Variants in COL19A1 observed in about 807,000 individuals in gnomAD.
The protein encoded by COL19A1 is collagen alpha-1(XIX) chain.
Under a neutral mutation model 190.2 loss-of-function variants are expected in COL19A1, and 159 were observed. The observed-to-expected ratio is 0.84, with a 90% CI of 0.73 to 0.95. COL19A1 has a LOEUF of 0.95. Ranked by LOEUF, COL19A1 falls within the 40% of genes least tolerant of loss-of-function variation. The probability of loss-of-function intolerance (pLI) is 0.00; values close to 1 mark genes in which losing one functional copy is unlikely to be tolerated. For synonymous variants in COL19A1, 509 were observed against 458.9 expected, an observed-to-expected ratio of 1.11 and a Z score of -1.39; for missense variants, 1,418 against 1,431.9, an observed-to-expected ratio of 0.99 and a Z score of 0.16.
intron 4 of COL19A1, among the ~76,000 whole-genome samples, chr6:69,924,441 T>A (rs1772216279): frequency 6.6e-6 from 1 of 152,232 alleles, no homozygotes; most frequent in South Asian, 2.1e-4. Flanking sequence ...CTCGTCATTT[T>A]TTATGGCTGC....
intron 37 of COL19A1, among the ~76,000 whole-genome samples, chr6:70,166,462 C>G (rs936286977): frequency 5.9e-5 from 9 of 152,162 alleles, no homozygotes; most frequent in Admixed American, 2.6e-4. Flanking sequence ...CAAGAGGCAT[C>G]GATGTTTTCA....
At chr6:70,204,687 G>A (rs1396457834) in intron 49 of COL19A1, among the ~76,000 whole-genome samples, 2 of 152,088 alleles carry the variant, frequency 1.3e-5, no homozygotes, top group Non-Finnish European at 2.9e-5. Context: ...TTCTTCATTT[G>A]GAATTGCGTT....
At chr6:69,999,745 T>C (rs1471636987) in intron 11 of COL19A1, among the ~76,000 whole-genome samples, 2 of 152,206 alleles carry the variant, frequency 1.3e-5, no homozygotes, top group East Asian at 3.9e-4. Flanking sequence ...GTTAAGATGG[T>C]AAGCTACAGG....
intron 11 of COL19A1, among the ~76,000 whole-genome samples, chr6:69,988,254 ACTC>A (rs1776415432): frequency 6.6e-6 from 1 of 152,134 alleles, no homozygotes; most frequent in Admixed American, 6.5e-5. Flanking sequence ...CATTTCCTGT[ACTC>A]CTCATATTCA....
chr6:70,207,133 T>G lies in COL19A1; in HGVS notation c.3302-14T>G. The stretch of plus-strand genomic sequence containing the variant: ...TATGTGATCTGCATTGTAATTTTTT[T>G]TTTATGTCGTTAGCTCTGGGTTTGC... On this transcript the variant is annotated splice_polypyrimidine_tract_variant and intron_variant, in intron 50 of 50. Coordinates refer to ENST00000620364, the MANE Select transcript of COL19A1 (RefSeq NM_001858.6). 1 of 1,611,208 alleles carries G rather than the reference T, an allele frequency of 6.2e-7. No individual in the cohort carries two copies. The highest frequency in any genetic ancestry group is 8.5e-7 in the Non-Finnish European group (1 of 1,178,930).
At chr6:69,965,898 T>G (rs905780301) in intron 11 of COL19A1, among the ~76,000 whole-genome samples, 1 of 152,180 alleles carries the variant, frequency 6.6e-6, no homozygotes, top group African/African-American at 2.4e-5. Flanking sequence ...TCTCCACAGC[T>G]GAGAGTTGTA....
intron 2 of COL19A1, among the ~76,000 whole-genome samples, chr6:69,886,233 T>C (rs760045912): frequency 2.5e-4 from 38 of 152,178 alleles, no homozygotes; most frequent in Non-Finnish European, 4.7e-4. Flanking sequence ...GAAAAAGTGA[T>C]CAACATTACT....
chr6:70,009,768 C>G (rs1562085266), intron 11 of COL19A1, among the ~76,000 whole-genome samples: 1 of 152,046 alleles, frequency 6.6e-6, no homozygotes, highest in African/African-American at 2.4e-5. Flanking sequence ...ATAATAGAGT[C>G]AAAATGTAAA....
intron 15 of COL19A1, among the ~76,000 whole-genome samples, chr6:70,078,518 G>A (rs1165361995): frequency 6.6e-6 from 1 of 152,156 alleles, no homozygotes; most frequent in Admixed American, 6.5e-5. Flanking sequence ...CCCTCACAGG[G>A]TGGGGAGATG....
intron 4 of COL19A1, among the ~76,000 whole-genome samples, chr6:69,912,825 C>G (rs1172819798): frequency 2.0e-5 from 3 of 152,180 alleles, no homozygotes; most frequent in African/African-American, 7.2e-5. Context: ...CGGTGGCTCA[C>G]ACCAGTAATC....
chr6:69,982,613 C>A (rs1776097166), intron 11 of COL19A1, among the ~76,000 whole-genome samples: 1 of 151,722 alleles, frequency 6.6e-6, no homozygotes, highest in Admixed American at 6.6e-5. Flanking sequence ...GGGAAAATTC[C>A]TCACCAGGCT....
At position 70,168,033 on chromosome 6, in the gene COL19A1, ATTT is replaced by A. The variant is rs1336666012; in HGVS notation, c.2455_2457del (p.Phe819del). 1 of 1,594,630 alleles carries A rather than the reference ATTT, an allele frequency of 6.3e-7. No homozygotes were observed. Among genetic ancestry groups the A allele is most frequent in the Non-Finnish European group, 8.6e-7 (1 of 1,167,480 alleles). On this transcript the variant is annotated inframe_deletion, in exon 38 of 51. Transcript: ENST00000620364. ...CTCACCTCTTTCCTAAGGGTATTCCATTTAATGAACGAAACGGCATGAGCAGTT... is the reference window on the plus strand; with the variant it reads ...CTCACCTCTTTCCTAAGGGTATTCCAAATGAACGAAACGGCATGAGCAGTT...
chr6:70,056,864 A>G (rs1780532493), intron 14 of COL19A1, among the ~76,000 whole-genome samples: 2 of 152,122 alleles, frequency 1.3e-5, no homozygotes, highest in African/African-American at 4.8e-5. Flanking sequence ...ATTGAGTGAT[A>G]TTGTATAAAC....
chr6:69,971,358 A>G (rs1775412297), intron 11 of COL19A1, among the ~76,000 whole-genome samples: 1 of 152,048 alleles, frequency 6.6e-6, no homozygotes, highest in South Asian at 2.1e-4. Flanking sequence ...AATAATTTTG[A>G]TGGAATAGAG....
At chr6:69,913,013 A>T (rs1488529737) in intron 4 of COL19A1, among the ~76,000 whole-genome samples, 1 of 152,078 alleles carries the variant, frequency 6.6e-6, no homozygotes, top group African/African-American at 2.4e-5. Context: ...GCTTGAGCCC[A>T]GGGAGGTTGA....
At chr6:70,168,551 C>A in intron 39 of COL19A1, 104 bp from the exon 40 acceptor site, 1 of 977,144 alleles carries the variant, frequency 1.0e-6, no homozygotes, top group Non-Finnish European at 1.5e-6. Context: ...GCAAAACTTG[C>A]TAATATTCGT....
intron 15 of COL19A1, among the ~76,000 whole-genome samples, chr6:70,097,388 A>G (rs1007332930): frequency 6.6e-6 from 1 of 152,038 alleles, no homozygotes; most frequent in African/African-American, 2.4e-5. Flanking sequence ...TTCCTTTTTA[A>G]GGCTGAAAAT....
intron 11 of COL19A1, among the ~76,000 whole-genome samples, chr6:69,991,108 G>A (rs1342811837): frequency 2.6e-5 from 4 of 151,926 alleles, no homozygotes; most frequent in African/African-American, 4.8e-5. Flanking sequence ...TGTGTACTCA[G>A]TGTTTGGCTC....
At chr6:70,038,051 C>A (rs558636032) in intron 14 of COL19A1, among the ~76,000 whole-genome samples, 4 of 152,010 alleles carry the variant, frequency 2.6e-5, no homozygotes, top group South Asian at 4.2e-4. Flanking sequence ...AAATGAATAC[C>A]AACTTACAAT....
Sources: gnomAD v4.1 joint callset for allele counts (sites outside exome capture counted in the v4.1 genomes callset) on GRCh38, gnomAD v4.1.1 for gene constraint, MANE v1.5 for transcripts, NCBI Gene and HGNC (gene_info 2026-07-23, HGNC 2026-07-21) for gene names.